The following TMEM255A variants were observed in gnomAD, a reference collection of about 807,000 sequenced individuals.
TMEM255A encodes the protein transmembrane protein 255A, also known as family with sequence similarity 70, member A.
In TMEM255A, 14 loss-of-function variants were observed where a neutral mutation model predicts 23.5. The ratio of observed to expected loss-of-function variants is 0.60; its 90% confidence interval spans 0.39 to 0.93. TMEM255A has a LOEUF of 0.93. TMEM255A is among the 40% of genes least tolerant of loss of function. The pLI is 0.00. For synonymous variants in TMEM255A, 104 were observed against 100.3 expected, an observed-to-expected ratio of 1.04 and a Z score of -0.22; for missense variants, 233 against 261.7, an observed-to-expected ratio of 0.89 and a Z score of 0.76.
chrX:120,305,894 T>A (rs12852695), intron 1 of TMEM255A, among the ~76,000 whole-genome samples: 2,360 of 111,518 alleles, frequency 0.021, 69 homozygotes, highest in African/African-American at 0.074. Flanking sequence ...CTGTCCCTGC[T>A]GAAGTCTCCA....
intron 7 of TMEM255A, among the ~76,000 whole-genome samples, chrX:120,269,701 T>C (rs1045485579): frequency 1.5e-4 from 17 of 111,766 alleles, no homozygotes; most frequent in African/African-American, 4.6e-4. Context: ...GCCTCTTTAA[T>C]GTGTGAAAGA....
chrX:120,284,633 T>A (rs1172657355), intron 6 of TMEM255A, among the ~76,000 whole-genome samples: 5 of 111,377 alleles, frequency 4.5e-5, no homozygotes, highest in Non-Finnish European at 9.4e-5. Flanking sequence ...TATTATATAT[T>A]TCTGTATTTG....
chrX:120,284,734 C>T (rs1345717489), intron 6 of TMEM255A, among the ~76,000 whole-genome samples: 2 of 111,168 alleles, frequency 1.8e-5, no homozygotes, highest in Admixed American at 1.9e-4. Context: ...AGAACAGAGC[C>T]AGGCACCGAG....
chrX:120,255,205 A>G, downstream of TMEM255A: 2 of 1,211,673 alleles, frequency 1.7e-6, no homozygotes, highest in Non-Finnish European at 2.2e-6. Context: ...ATCAGACAAT[A>G]TGCATATCTT....
intron 5 of TMEM255A, chrX:120,285,787 G>A (rs1351349441): frequency 1.4e-5 from 17 of 1,191,993 alleles, no homozygotes; most frequent in South Asian, 5.4e-5. Flanking sequence ...CCAAATTAAC[G>A]CAAGAAAGCT....
intron 2 of TMEM255A, among the ~76,000 whole-genome samples, chrX:120,301,449 T>G (rs1306587040): frequency 8.9e-6 from 1 of 112,153 alleles, no homozygotes; most frequent in Non-Finnish European, 1.9e-5. Context: ...AATTTATATT[T>G]AAAGTGACCA....
Position 120,260,757 on chromosome X carries a change from A to G in TMEM255A, c.*113T>C. The G allele has an allele frequency of 2.0e-6, 2 of 1,007,280 alleles. No individual in the cohort carries two copies. The highest frequency in any genetic ancestry group is 2.7e-6 in the Non-Finnish European group (2 of 748,057). The allele number at this position is 1,007,280 out of a possible 1,213,427, so 83.0% of individuals were successfully genotyped here. A position where few individuals can be genotyped will look rare whatever the true frequency, so the allele number is the denominator to read the frequency against. ...CTATCTTTCCCTAGCCTGGCAGGCCATTGTAAAACTTTATGCATAAGAGTC... is the reference window on the plus strand; with the variant it reads ...CTATCTTTCCCTAGCCTGGCAGGCCGTTGTAAAACTTTATGCATAAGAGTC... On this transcript the variant is annotated 3_prime_UTR_variant, in exon 9 of 9. Transcript: ENST00000371369.
At chrX:120,310,067 C>T (rs1409247021) in intron 1 of TMEM255A, 1 of 110,824 alleles carries the variant, frequency 9.0e-6, no homozygotes, top group African/African-American at 3.3e-5. Flanking sequence ...CTCCCTGCCC[C>T]CTCCACTCGA....
intron 2 of TMEM255A, among the ~76,000 whole-genome samples, chrX:120,296,675 T>TTATAATATAATA (rs1556024189): frequency 3.2e-5 from 2 of 62,902 alleles, no homozygotes; most frequent in African/African-American, 6.9e-5. Context: ...ATAATATATA[T>TTATAATATAATA]TATATTTAAT....
intron 6 of TMEM255A, among the ~76,000 whole-genome samples, chrX:120,279,968 TTTCC>T (rs1279099893): frequency 9.2e-6 from 1 of 108,194 alleles, no homozygotes; most frequent in Non-Finnish European, 1.9e-5. Flanking sequence ...TTTCTTTTTT[TTTCC>T]TTCCTTCTTT....
At chrX:120,285,406 C>G (rs977759239) in intron 5 of TMEM255A, among the ~76,000 whole-genome samples, 191 bp from the exon 6 acceptor site, 2 of 111,510 alleles carry the variant, frequency 1.8e-5, no homozygotes, top group African/African-American at 6.5e-5. Context: ...CACTGTGTAG[C>G]TGGGCTCATG....
At chrX:120,270,958 G>C (rs781808808) in intron 7 of TMEM255A, among the ~76,000 whole-genome samples, 2 of 111,150 alleles carry the variant, frequency 1.8e-5, no homozygotes, top group Non-Finnish European at 3.8e-5. Flanking sequence ...GAGTGATCTA[G>C]GCAATGATTC....
intron 2 of TMEM255A, among the ~76,000 whole-genome samples, chrX:120,296,833 ATATATAATATATATC>A (rs1556024420): frequency 6.8e-3 from 8 of 1,184 alleles, no homozygotes; most frequent in African/African-American, 0.028. Flanking sequence ...AATATATATG[ATATATAATATATATC>A]ATATATAATA....
intron 7 of TMEM255A, among the ~76,000 whole-genome samples, chrX:120,275,470 C>T (rs1157114217): frequency 2.7e-5 from 3 of 111,606 alleles, no homozygotes; most frequent in African/African-American, 9.8e-5. Context: ...CAACATTCAT[C>T]CTTTTGACCG....
chrX:120,252,560 A>G, the TMEM255A span: 1 of 112,082 alleles, frequency 8.9e-6, no homozygotes, highest in Non-Finnish European at 1.9e-5. Context: ...TCTCATACCA[A>G]TGCATATGAT....
the TMEM255A span, among the ~76,000 whole-genome samples, chrX:120,251,747 G>C: frequency 8.9e-6 from 1 of 112,249 alleles, no homozygotes; most frequent in Admixed American, 9.3e-5. Flanking sequence ...CAGTCGAATC[G>C]CATATCTTCG....
intron 1 of TMEM255A, among the ~76,000 whole-genome samples, chrX:120,307,749 T>C (rs1362725282): frequency 8.9e-6 from 1 of 112,103 alleles, no homozygotes; most frequent in Non-Finnish European, 1.9e-5. Flanking sequence ...TCTGTCTCCT[T>C]GGCACCCAGT....
intron 7 of TMEM255A, among the ~76,000 whole-genome samples, chrX:120,272,363 A>G (rs1244047804): frequency 9.0e-6 from 1 of 111,578 alleles, no homozygotes; most frequent in Non-Finnish European, 1.9e-5. Flanking sequence ...TGAAGGTCCC[A>G]TTGACTGAGG....
chrX:120,294,942 C>T (rs1348625179), intron 2 of TMEM255A, among the ~76,000 whole-genome samples: 1 of 111,799 alleles, frequency 8.9e-6, no homozygotes, highest in Non-Finnish European at 1.9e-5. Context: ...TTATTCACCC[C>T]TTCTTCCATC....
Sources: allele counts gnomAD v4.1 joint callset (sites outside exome capture counted in the v4.1 genomes callset), GRCh38; gene constraint gnomAD v4.1.1; transcripts MANE v1.5; gene names NCBI Gene and HGNC (gene_info 2026-07-23, HGNC 2026-07-21).